Variants in CSMD3 observed in about 807,000 individuals in gnomAD.
CSMD3 encodes the protein CUB and Sushi multiple domains 3, also known as CUB and sushi domain-containing protein 3.
A neutral mutation model predicts 435.2 loss-of-function variants in CSMD3; 177 were observed. That is an observed-to-expected ratio of 0.41 (90% CI 0.36 to 0.46). The LOEUF (loss-of-function observed/expected upper bound fraction) is 0.46. Ranked by LOEUF, CSMD3 falls within the 20% of genes least tolerant of loss-of-function variation. The pLI is 0.34. For missense variants in CSMD3, 4,265 were observed against 4,504.6 expected (o/e 0.95, Z 1.52); for synonymous variants, 1,656 against 1,520.5 (o/e 1.09, Z -2.07).
chr8:113,064,432 C>T (rs146127736), intron 5 of CSMD3, among the ~76,000 whole-genome samples: 21 of 151,868 alleles, frequency 1.4e-4, no homozygotes, highest in Non-Finnish European at 2.9e-4. Flanking sequence ...AATCATGAGG[C>T]AATAAGAAAA....
At chr8:112,278,197 A>G (rs1563728401) in intron 59 of CSMD3, among the ~76,000 whole-genome samples, 1 of 152,118 alleles carries the variant, frequency 6.6e-6, no homozygotes, top group Non-Finnish European at 1.5e-5. Flanking sequence ...AGGGATGACT[A>G]TCATTACCTG....
intron 1 of CSMD3, among the ~76,000 whole-genome samples, chr8:113,352,271 C>T (rs568395957): frequency 6.0e-5 from 9 of 150,826 alleles, no homozygotes; most frequent in South Asian, 2.1e-4. Context: ...CTGTAAGAAA[C>T]GGAAAAAGAG....
chr8:112,534,367 A>G (rs950583079), intron 27 of CSMD3, among the ~76,000 whole-genome samples: 45 of 152,198 alleles, frequency 3.0e-4, no homozygotes, highest in South Asian at 1.0e-3. Flanking sequence ...ACAGAAATAC[A>G]AACTACCATC....
intron 30 of CSMD3, among the ~76,000 whole-genome samples, chr8:112,497,864 G>A (rs1218734343): frequency 4.6e-5 from 7 of 151,982 alleles, no homozygotes; most frequent in Non-Finnish European, 1.0e-4. Context: ...AGTGGGCAAT[G>A]AAATTTTCCC....
At chr8:113,097,208 G>A (rs948858618) in intron 5 of CSMD3, among the ~76,000 whole-genome samples, 1 of 152,052 alleles carries the variant, frequency 6.6e-6, no homozygotes, top group Non-Finnish European at 1.5e-5. Flanking sequence ...CAAAGCCTTG[G>A]ATGGAGAGTT....
chr8:112,934,839 G>C (rs2083229456), intron 9 of CSMD3, among the ~76,000 whole-genome samples: 1 of 152,084 alleles, frequency 6.6e-6, no homozygotes, highest in African/African-American at 2.4e-5. Flanking sequence ...TGTATAGTGT[G>C]CAAATGTTTT....
intron 40 of CSMD3, among the ~76,000 whole-genome samples, chr8:112,346,541 C>A (rs535589817): frequency 1.3e-5 from 2 of 152,040 alleles, no homozygotes; most frequent in Non-Finnish European, 2.9e-5. Context: ...TTCTCTTCCT[C>A]AAGTAGTCCT....
At chr8:112,270,339 GGTGAGT>G (rs1563717014) in intron 59 of CSMD3, among the ~76,000 whole-genome samples, 1 of 96,266 alleles carries the variant, frequency 1.0e-5, no homozygotes, top group African/African-American at 3.3e-5. Context: ...AAAACAGAGG[GGTGAGT>G]GTGTGTGTGT....
intron 10 of CSMD3, among the ~76,000 whole-genome samples, chr8:112,888,350 C>A (rs184000698): frequency 6.6e-6 from 1 of 151,574 alleles, no homozygotes; most frequent in South Asian, 2.1e-4. Context: ...ATCTGGCTAA[C>A]GTAGGCTTAA....
intron 3 of CSMD3, among the ~76,000 whole-genome samples, chr8:113,195,184 GA>G: frequency 6.9e-6 from 1 of 145,696 alleles, no homozygotes. Flanking sequence ...ACTCACTACT[GA>G]AAACGATTTC....
At chr8:113,282,626 G>A (rs184853689) in intron 2 of CSMD3, among the ~76,000 whole-genome samples, 3 of 152,094 alleles carry the variant, frequency 2.0e-5, no homozygotes, top group East Asian at 3.9e-4. Context: ...CATAGATGAG[G>A]AGAATCAATG....
At chr8:113,079,729 T>C (rs1185541846) in intron 5 of CSMD3, among the ~76,000 whole-genome samples, 1 of 152,134 alleles carries the variant, frequency 6.6e-6, no homozygotes, top group South Asian at 2.1e-4. Flanking sequence ...GAAATGTTTT[T>C]TTCGTTTGAT....
At chr8:112,528,584 G>T (rs1441899483) in intron 27 of CSMD3, among the ~76,000 whole-genome samples, 2 of 152,126 alleles carry the variant, frequency 1.3e-5, no homozygotes, top group Middle Eastern at 3.4e-3. Context: ...CAGCACAATG[G>T]CAAAGTAGAA....
At chr8:113,127,665 A>C (rs2091173095) in intron 4 of CSMD3, among the ~76,000 whole-genome samples, 1 of 152,032 alleles carries the variant, frequency 6.6e-6, no homozygotes. Flanking sequence ...GTGTCTCCTC[A>C]CAAAAATTCT....
intron 21 of CSMD3, 131 bp downstream of exon 21, chr8:112,638,565 G>C (rs554668805): frequency 1.5e-6 from 1 of 665,616 alleles, no homozygotes; most frequent in African/African-American, 1.8e-5. Context: ...ATACTACTTT[G>C]CTTTCTTCTT....
At chr8:112,878,265 C>A (rs878999503) in intron 10 of CSMD3, among the ~76,000 whole-genome samples, 1 of 152,108 alleles carries the variant, frequency 6.6e-6, no homozygotes, top group Non-Finnish European at 1.5e-5. Context: ...AGGATATGAA[C>A]AGACACTTCT....
rs955723231 is a variant in CSMD3, at chr8:112,472,577, C to T, written c.5395+14G>A. 7 of 1,318,970 alleles carry T rather than the reference C, an allele frequency of 5.3e-6. No homozygotes were observed. The highest frequency in any genetic ancestry group is 1.5e-5 in the African/African-American group (1 of 68,886). 81.7% of individuals were successfully genotyped at this position (1,318,970 alleles called of 1,614,324 possible). On this transcript the variant is annotated intron_variant, in intron 32 of 70. Transcript: ENST00000297405. ...CTGGATGAAATACTACATAATGAGT[C>T]GAATCTTACTTACCAAACTCCTTTG...
intron 1 of CSMD3, among the ~76,000 whole-genome samples, chr8:113,411,005 AAAAGAAAGAAAAAT>A (rs892862498): frequency 4.0e-5 from 6 of 151,404 alleles, no homozygotes; most frequent in African/African-American, 1.5e-4. Flanking sequence ...AGAAAGAAAG[AAAAGAAAGAAAAAT>A]AAAGAAAGAA....
chr8:112,656,108 T>C, intron 18 of CSMD3, 46 bp downstream of exon 18: 1 of 1,017,146 alleles, frequency 9.8e-7, no homozygotes, highest in Non-Finnish European at 1.6e-6. Flanking sequence ...ATACAAAAAG[T>C]AGGGCAAACA....
Sources: gnomAD v4.1 joint callset for allele counts (sites outside exome capture counted in the v4.1 genomes callset) on GRCh38, gnomAD v4.1.1 for gene constraint, MANE v1.5 for transcripts, NCBI Gene and HGNC (gene_info 2026-07-23, HGNC 2026-07-21) for gene names.